Variants in TJAP1 observed in about 807,000 individuals in gnomAD.
TJAP1 encodes the protein tight junction associated protein 1.
A neutral mutation model predicts 42.0 loss-of-function variants in TJAP1; 27 were observed. The ratio of observed to expected loss-of-function variants is 0.64; its 90% CI spans 0.47 to 0.89. TJAP1 has a LOEUF of 0.89. Among genes scored for constraint, TJAP1 ranks in the 40% least tolerant of loss-of-function variants. The probability of loss-of-function intolerance (pLI) is 0.00; values close to 1 mark genes in which losing one functional copy is unlikely to be tolerated. For missense variants in TJAP1, 712 were observed against 726.9 expected (o/e 0.98, Z 0.24); for synonymous variants, 257 against 288.4 (o/e 0.89, Z 1.10).
chr6:43,500,704 T>TGGTCCAGA (rs1562273108), intron 4 of TJAP1, 40 bp from the exon 5 acceptor site: 1 of 1,613,866 alleles, frequency 6.2e-7, no homozygotes, highest in Non-Finnish European at 8.5e-7. Context: ...GGGGGTCCAG[T>TGGTCCAGA]GGTCCAGAGC....
chr6:43,502,321 A>T, exon 7 of TJAP1: 1 of 1,613,788 alleles, frequency 6.2e-7, no homozygotes, highest in Non-Finnish European at 8.5e-7. Context: ...CGGACCAACC[A>T]GGAGTTGGAG....
chr6:43,490,156 G>A (rs542174779), intron 2 of TJAP1, among the ~76,000 whole-genome samples: 2 of 152,208 alleles, frequency 1.3e-5, no homozygotes, highest in Non-Finnish European at 2.9e-5. Flanking sequence ...CTGCTCTCTT[G>A]TTCTTACTAC....
At chr6:43,500,479 G>A (rs1385966586) in intron 4 of TJAP1, 1 of 502,134 alleles carries the variant, frequency 2.0e-6, no homozygotes, top group Non-Finnish European at 3.6e-6. Flanking sequence ...TGGGTGCCAG[G>A]ACTTATTTGA....
At chr6:43,478,919 T>C (rs1431077143) in intron 2 of TJAP1, among the ~76,000 whole-genome samples, 1 of 152,230 alleles carries the variant, frequency 6.6e-6, no homozygotes, top group African/African-American at 2.4e-5. Context: ...AGAGCTACTT[T>C]ACAGTTGGAC....
Position 43,495,216 on chromosome 6 carries a change from G to T in TJAP1, c.-121-2665G>T, listed in dbSNP as rs954919365. On this transcript the variant is annotated intron_variant, in intron 2 of 10. Coordinates refer to ENST00000372449, the Ensembl canonical transcript of TJAP1. The surrounding 1 kb of genome is among the most constrained non-coding windows in gnomAD (Gnocchi z 4.6). ...TCACCCCTTTACCTTCTCCCAGCTT[G>T]CAGGCCAAGTGTCCCGATGCTTCTC... 6.6e-6 allele frequency among the ~76,000 whole-genome samples: 1 copy of T among 152,236 alleles called. No homozygotes were observed. Among genetic ancestry groups the T allele is most frequent in the Non-Finnish European group, 1.5e-5 (1 of 68,050 alleles).
At chr6:43,504,089 CAGAAGTAGA>C (rs1012020518) in intron 10 of TJAP1, 8 of 379,270 alleles carry the variant, frequency 2.1e-5, no homozygotes, top group African/African-American at 1.5e-4. Flanking sequence ...ATGTGGCCTG[CAGAAGTAGA>C]AGAAGTAGAG....
chr6:43,485,182 A>G (rs1046040572), intron 2 of TJAP1, among the ~76,000 whole-genome samples: 1 of 152,242 alleles, frequency 6.6e-6, no homozygotes, highest in Non-Finnish European at 1.5e-5. Flanking sequence ...GGAGAGTTTC[A>G]ATATCCATGT....
Position 43,505,141 on chromosome 6 carries a change from T to C in TJAP1, c.960T>C (p.Ser320=), listed in dbSNP as rs1041314578. ...AGCTGAACCCCTACCCAACCCCGTCTCCACCACACCCACTGTATCCTGGCC... is the reference window on the plus strand; with the variant it reads ...AGCTGAACCCCTACCCAACCCCGTCCCCACCACACCCACTGTATCCTGGCC... The change falls in exon 11 of 11, where the codon TCT becomes TCC. Residue 320 remains serine (S), a synonymous_variant. Coordinates refer to ENST00000372449, the Ensembl canonical transcript of TJAP1. The surrounding 1 kb of genome is among the most constrained non-coding windows in gnomAD (Gnocchi z 5.5). The C allele has an allele frequency of 3.7e-6, 6 of 1,613,964 alleles. No individual in the cohort carries two copies. The highest frequency in any genetic ancestry group is 5.1e-6 in the Non-Finnish European group (6 of 1,180,010).
intron 2 of TJAP1, among the ~76,000 whole-genome samples, chr6:43,485,065 C>T (rs1213181391): frequency 1.3e-5 from 2 of 152,196 alleles, no homozygotes; most frequent in Non-Finnish European, 2.9e-5. Context: ...CTTTGATGAT[C>T]GTGATATGCT....
chr6:43,505,341 A>G lies in TJAP1; in HGVS notation c.1160A>G (p.His387Arg). Residue 387 changes from histidine to arginine, a missense_variant, in exon 11 of 11, where the codon CAC becomes CGC. This residue lies in a region of TJAP1 where 549 missense variants were observed against 528.2 expected (regional missense o/e 1.04). Transcript: ENST00000372449. The surrounding 1 kb of genome is among the most constrained non-coding windows in gnomAD (Gnocchi z 5.5). ...CCTGCCTCAGCCCAGGCCTCACCCC[A>G]CCACCAGCCCAGCCCAGCACCCCTA... The G allele has an allele frequency of 6.2e-7, 1 of 1,607,404 alleles. No homozygotes were observed. Among genetic ancestry groups the G allele is most frequent in the South Asian group, 1.1e-5 (1 of 90,920 alleles).
At chr6:43,487,691 T>C (rs1247088109) in intron 2 of TJAP1, among the ~76,000 whole-genome samples, 1 of 150,782 alleles carries the variant, frequency 6.6e-6, no homozygotes, top group African/African-American at 2.4e-5. Context: ...TCTGTTTGCC[T>C]AGGAACTGTT....
At chr6:43,503,323 T>A in intron 8 of TJAP1, 78 bp from the exon 9 acceptor site, 1 of 1,151,752 alleles carries the variant, frequency 8.7e-7, no homozygotes, top group Non-Finnish European at 1.3e-6. Context: ...CTCTTGTGTC[T>A]CCAGGATGGG....
chr6:43,504,833 G>A lies in TJAP1; in HGVS notation c.652G>A (p.Ala218Thr), dbSNP rs1791893457. ...TCAAGAGGCCGCCAGCCCAGGTCCTGCTCCCAGCCTAGCCCCAGGGGCTGT... is the reference window on the plus strand; with the variant it reads ...TCAAGAGGCCGCCAGCCCAGGTCCTACTCCCAGCCTAGCCCCAGGGGCTGT... The change falls in exon 11 of 11, where the codon GCT becomes ACT. Residue 218 changes from alanine (A) to threonine (T), a missense_variant. Physicochemically the swap from Ala to Thr is moderately conservative, Grantham distance 58. Coordinates refer to ENST00000372449, the Ensembl canonical transcript of TJAP1. 5 of 1,614,102 alleles carry A rather than the reference G, an allele frequency of 3.1e-6. No homozygotes were observed. The African/African-American group carries it at 4.0e-5, about 13-fold the overall frequency.
chr6:43,482,734 ATGCCGTGG>A (rs1397174870), intron 2 of TJAP1, among the ~76,000 whole-genome samples: 1 of 152,196 alleles, frequency 6.6e-6, no homozygotes, highest in Non-Finnish European at 1.5e-5. Flanking sequence ...GTGCTTTATG[ATGCCGTGG>A]TGCATGTAGA....
chr6:43,503,758 A>G (rs546482344), intron 10 of TJAP1, 52 bp downstream of exon 10: 1 of 1,511,302 alleles, frequency 6.6e-7, no homozygotes, highest in Non-Finnish European at 9.2e-7. Context: ...CGGCCACTGT[A>G]GGACTCCTCT....
chr6:43,479,304 A>C (rs1477181851), intron 2 of TJAP1, among the ~76,000 whole-genome samples: 2 of 152,230 alleles, frequency 1.3e-5, no homozygotes, highest in Non-Finnish European at 2.9e-5. Flanking sequence ...GCTTACTCCA[A>C]ACAGAACAAC....
intron 2 of TJAP1, among the ~76,000 whole-genome samples, chr6:43,484,118 G>T (rs1350617105): frequency 6.6e-6 from 1 of 151,050 alleles, no homozygotes; most frequent in Non-Finnish European, 1.5e-5. Context: ...CATCTTTTTT[G>T]CAGGAGTAAT....
At position 43,491,554 on chromosome 6, in the gene TJAP1, T is replaced by C. The variant is rs1787838517; in HGVS notation, c.-121-6327T>C. 6.6e-6 allele frequency among the ~76,000 whole-genome samples: 1 copy of C among 152,090 alleles called. No homozygotes were observed. The highest frequency in any genetic ancestry group is 2.4e-5 in the African/African-American group (1 of 41,408). ...ATCTGCCCGCCTTGGCCTCCCAAAGTGTTGGGATTACAGGTATGAGCCACT... is the reference window on the plus strand; with the variant it reads ...ATCTGCCCGCCTTGGCCTCCCAAAGCGTTGGGATTACAGGTATGAGCCACT... On this transcript the variant is annotated intron_variant, in intron 2 of 10. Transcript: ENST00000372449. The surrounding 1 kb of genome is among the most constrained non-coding windows in gnomAD (Gnocchi z 4.6).
chr6:43,493,575 G>T (rs1259998510), intron 2 of TJAP1, among the ~76,000 whole-genome samples: 2 of 152,186 alleles, frequency 1.3e-5, no homozygotes, highest in Non-Finnish European at 2.9e-5. Context: ...GATGGCCTCA[G>T]CCTCAGCTGG....
Sources: gnomAD v4.1 joint callset for allele counts (sites outside exome capture counted in the v4.1 genomes callset) on GRCh38, gnomAD v4.1.1 for gene constraint, gnomAD v4.1.1 regional missense constraint, Gnocchi (gnomAD v3.1) non-coding constraint, MANE v1.5 for transcripts, NCBI Gene and HGNC (gene_info 2026-07-23, HGNC 2026-07-21) for gene names.